Variants in MRPL22 observed in about 807,000 individuals in gnomAD.
The protein encoded by MRPL22 is large ribosomal subunit protein uL22m.
Under a neutral mutation model 32.4 loss-of-function variants are expected in MRPL22, and 27 were observed. The ratio of observed to expected loss-of-function variants is 0.83; its 90% CI spans 0.61 to 1.15. The LOEUF is 1.15. Ranked by LOEUF, MRPL22 falls within the 50% of genes most tolerant of loss-of-function variation. MRPL22 has a pLI of 0.00. For synonymous variants in MRPL22, 86 were observed against 87.3 expected, an observed-to-expected ratio of 0.99 and a Z score of 0.08; for missense variants, 239 against 260.2, an observed-to-expected ratio of 0.92 and a Z score of 0.56.
intron 2 of MRPL22, among the ~76,000 whole-genome samples, chr5:154,950,145 G>GGA (rs1414559096): frequency 1.3e-5 from 2 of 152,156 alleles, no homozygotes; most frequent in African/African-American, 4.8e-5. Flanking sequence ...CAAGGCAGCA[G>GGA]GAGAGAGAGA....
At chr5:154,946,442 C>A (rs902118755) in intron 2 of MRPL22, among the ~76,000 whole-genome samples, 1 of 152,066 alleles carries the variant, frequency 6.6e-6, no homozygotes, top group African/African-American at 2.4e-5. Flanking sequence ...GCTTACAGTT[C>A]ACAGGACTTA....
intron 3 of MRPL22, among the ~76,000 whole-genome samples, chr5:154,954,010 G>A (rs1206199816): frequency 2.2e-5 from 3 of 138,740 alleles, no homozygotes; most frequent in Non-Finnish European, 4.6e-5. Flanking sequence ...TTTTTTTTGA[G>A]ACAGGGTCTC....
chr5:154,950,902 T>A lies in MRPL22; in HGVS notation c.159T>A (p.Tyr53Ter). ...GGGAGAAGAAGAATAAAATTGTTTA[T>A]CCTCCACAACTGCCTGGAGAACCTC... Reference protein sequence around the residue: ...RKWEKKNKIVYPPQLPGEPRR... With the variant: ...RKWEKKNKIV Residue 53 changes from tyrosine (Y) to a stop codon, truncating the protein, a stop_gained, in exon 3 of 7, where the codon TAT (tyrosine) becomes TAA (stop). Coordinates refer to ENST00000523037, the MANE Select transcript of MRPL22 (RefSeq NM_014180.4). LOFTEE classifies it high-confidence loss of function. 6.2e-7 allele frequency: 1 copy of A among 1,613,656 alleles called. No homozygotes were observed. Among genetic ancestry groups the A allele is most frequent in the Non-Finnish European group, 8.5e-7 (1 of 1,179,588 alleles).
chr5:154,959,461 AG>A (rs1764674031), intron 5 of MRPL22, among the ~76,000 whole-genome samples: 1 of 152,134 alleles, frequency 6.6e-6, no homozygotes, highest in Admixed American at 6.5e-5. Context: ...CTCCAGCCTC[AG>A]CCTTCCACAT....
rs1582697442 is a variant in MRPL22, at chr5:154,967,027, A to C, written c.*130A>C. The C allele has an allele frequency of 2.0e-6, 2 of 1,009,954 alleles. No homozygotes were observed. Among genetic ancestry groups the C allele is most frequent in the Non-Finnish European group, 2.8e-6 (2 of 710,212 alleles). The allele number at this position is 1,009,954 out of a possible 1,614,324, so 62.6% of individuals were successfully genotyped here. A position where few individuals can be genotyped will look rare whatever the true frequency, so the allele number is the denominator to read the frequency against. ...AAACAGTGTATAACTGCTAGTTGTA[A>C]ATGAATATTTATAAGGCTTTGCCCA... is the stretch of plus-strand genomic sequence containing the variant. On this transcript the variant is annotated 3_prime_UTR_variant, in exon 7 of 7. Coordinates refer to ENST00000523037, the MANE Select transcript of MRPL22 (RefSeq NM_014180.4). This position sits in a 1 kb window ranked among gnomAD's most constrained non-coding sequence, Gnocchi z 4.7.
Position 154,957,212 on chromosome 5 carries a change from G to T in MRPL22, c.339G>T (p.Glu113Asp). Residue 113 changes from glutamate to aspartate, a missense_variant and splice_region_variant, in exon 5 of 7, where the codon GAG (glutamate) becomes GAT (aspartate). By Grantham distance (45) the Glu-to-Asp change is conservative. Coordinates refer to ENST00000523037, the MANE Select transcript of MRPL22 (RefSeq NM_014180.4). Reference protein sequence around the residue: ...NDKKGAKIIKEVLLEAQDMAV... With the variant: ...NDKKGAKIIKDVLLEAQDMAV... ...AAAAAGGGGCCAAAATAATTAAAGAGGTAAACTTACAAGTTTGGGTGTGGT... is the reference window on the plus strand; with the variant it reads ...AAAAAGGGGCCAAAATAATTAAAGATGTAAACTTACAAGTTTGGGTGTGGT... 6.2e-7 allele frequency: 1 copy of T among 1,611,976 alleles called. No homozygotes were observed. The highest frequency in any genetic ancestry group is 8.5e-7 in the Non-Finnish European group (1 of 1,178,120).
intron 3 of MRPL22, among the ~76,000 whole-genome samples, chr5:154,953,765 C>T (rs1429804294): frequency 6.9e-6 from 1 of 145,094 alleles, no homozygotes; most frequent in Admixed American, 7.1e-5. Flanking sequence ...CGGCTCACTG[C>T]AGCCTCCACC....
intron 4 of MRPL22, 34 bp downstream of exon 4, chr5:154,956,470 A>C: frequency 6.8e-7 from 1 of 1,460,764 alleles, no homozygotes; most frequent in Non-Finnish European, 9.5e-7. Flanking sequence ...TATAATTAAT[A>C]ATTTAGGAAA....
chr5:154,961,691 T>A (rs1268569948), intron 6 of MRPL22, among the ~76,000 whole-genome samples: 3 of 152,106 alleles, frequency 2.0e-5, no homozygotes, highest in Admixed American at 6.6e-5. Context: ...TTATTTTATC[T>A]TTTTTTATTT....
At chr5:154,948,419 C>T (rs535925142) in intron 2 of MRPL22, among the ~76,000 whole-genome samples, 81 of 152,182 alleles carry the variant, frequency 5.3e-4, no homozygotes, top group African/African-American at 1.9e-3. Flanking sequence ...TCAACCCTCT[C>T]TTTTTTTTCT....
intron 2 of MRPL22, among the ~76,000 whole-genome samples, chr5:154,943,110 A>T (rs546843532): frequency 1.1e-4 from 16 of 152,312 alleles, no homozygotes; most frequent in African/African-American, 3.9e-4. Context: ...AAATTTTAGC[A>T]TATAATCTGA....
intron 3 of MRPL22, among the ~76,000 whole-genome samples, chr5:154,954,291 G>A (rs1268299332): frequency 6.6e-6 from 1 of 152,084 alleles, no homozygotes. Context: ...CGCCTGGCCA[G>A]AAATTTTATT....
At chr5:154,956,259 G>A in intron 3 of MRPL22, 112 bp from the exon 4 acceptor site, 1 of 682,444 alleles carries the variant, frequency 1.5e-6, no homozygotes. Context: ...TCTTATGGCA[G>A]CATTTTCTTT....
intron 3 of MRPL22, among the ~76,000 whole-genome samples, chr5:154,953,035 G>A (rs952122873): frequency 2.6e-5 from 4 of 152,172 alleles, no homozygotes; most frequent in Non-Finnish European, 5.9e-5. Flanking sequence ...AGATTCTTAT[G>A]TAGATTTTAT....
At chr5:154,944,030 G>T (rs192410630) in intron 2 of MRPL22, among the ~76,000 whole-genome samples, 16 of 152,226 alleles carry the variant, frequency 1.1e-4, no homozygotes, top group Admixed American at 9.8e-4. Context: ...GAGAAGTTTT[G>T]TGACTTACTG....
At chr5:154,960,521 G>A (rs537381539) in intron 6 of MRPL22, among the ~76,000 whole-genome samples, 1 of 152,204 alleles carries the variant, frequency 6.6e-6, no homozygotes, top group Non-Finnish European at 1.5e-5. Context: ...CTGTTGAATT[G>A]TAAAAGCCAA....
In MRPL22 at chr5:154,941,130, G is replaced by C; in HGVS notation, c.20G>C (p.Gly7Ala). The C allele has an allele frequency of 2.5e-6, 4 of 1,614,078 alleles. No homozygotes were observed. The highest frequency in any genetic ancestry group is 3.4e-6 in the Non-Finnish European group (4 of 1,180,040). Reference protein sequence around the residue: MAAAVLGQLGALWIHNL... With the variant: MAAAVLAQLGALWIHNL... Reference sequence around the variant, plus strand: ...CGAAAGATGGCGGCGGCAGTACTGGGACAGTTGGGTAAGGATTTCTTAGTG... The same window carrying C: ...CGAAAGATGGCGGCGGCAGTACTGGCACAGTTGGGTAAGGATTTCTTAGTG... Residue 7 changes from glycine to alanine, a missense_variant, in exon 1 of 7, where the codon GGA (glycine) becomes GCA (alanine). Coordinates refer to ENST00000523037, the MANE Select transcript of MRPL22 (RefSeq NM_014180.4).
At chr5:154,943,373 G>T (rs1406696560) in intron 2 of MRPL22, among the ~76,000 whole-genome samples, 3 of 151,956 alleles carry the variant, frequency 2.0e-5, no homozygotes, top group African/African-American at 7.3e-5. Context: ...GGCCTGGAGG[G>T]ATTACAGGCA....
intron 3 of MRPL22, among the ~76,000 whole-genome samples, chr5:154,954,715 AT>A (rs1764609224): frequency 6.6e-6 from 1 of 152,210 alleles, no homozygotes; most frequent in African/African-American, 2.4e-5. Flanking sequence ...TATGTGTAAA[AT>A]TTGAGGGTAA....
Sources: allele counts gnomAD v4.1 joint callset (sites outside exome capture counted in the v4.1 genomes callset), GRCh38; gene constraint gnomAD v4.1.1; non-coding constraint Gnocchi (gnomAD v3.1); transcripts MANE v1.5; gene names NCBI Gene and HGNC (gene_info 2026-07-23, HGNC 2026-07-21).